RBFOX3: variants seen among roughly 807,000 people sequenced by gnomAD.
The protein encoded by RBFOX3 is RNA binding fox-1 homolog 3.
A neutral mutation model predicts 48.7 loss-of-function variants in RBFOX3; 17 were observed. The ratio of observed to expected loss-of-function variants is 0.35; its 90% CI spans 0.24 to 0.52. The LOEUF (loss-of-function observed/expected upper bound fraction) is 0.52. Among genes scored for constraint, RBFOX3 ranks in the 20% least tolerant of loss-of-function variants. The pLI, the probability that RBFOX3 is intolerant of heterozygous loss-of-function variation, is 0.94. For synonymous variants in RBFOX3, 212 were observed against 209.5 expected (o/e 1.01, Z -0.10); for missense variants, 382 against 497.5 (o/e 0.77, Z 2.21).
intron 1 of RBFOX3, among the ~76,000 whole-genome samples, chr17:79,558,030 G>A (rs1202496367): frequency 6.6e-6 from 1 of 152,188 alleles, no homozygotes; most frequent in African/African-American, 2.4e-5. Context: ...GAAAAAAGCA[G>A]CCTGAAACTG....
intron 2 of RBFOX3, among the ~76,000 whole-genome samples, chr17:79,420,156 C>CACACACACACACACACAA: frequency 6.6e-6 from 1 of 151,120 alleles, no homozygotes; most frequent in African/African-American, 2.4e-5. Flanking sequence ...CACACACACA[C>CACACACACACACACACAA]ACACACACAC....
At chr17:79,110,190 G>A (rs2030497820) in intron 5 of RBFOX3, among the ~76,000 whole-genome samples, 1 of 151,406 alleles carries the variant, frequency 6.6e-6, no homozygotes, top group South Asian at 2.1e-4. Flanking sequence ...AAGAGAAAAG[G>A]ACAGGACTGC....
intron 1 of RBFOX3, among the ~76,000 whole-genome samples, chr17:79,515,773 G>A (rs1220963753): frequency 2.0e-5 from 3 of 152,038 alleles, no homozygotes; most frequent in Non-Finnish European, 4.4e-5. Context: ...CGAGGCTCCC[G>A]GCTGAGGTTG....
At chr17:79,347,074 A>G (rs568686779) in intron 2 of RBFOX3, among the ~76,000 whole-genome samples, 1 of 152,352 alleles carries the variant, frequency 6.6e-6, no homozygotes, top group Non-Finnish European at 1.5e-5. Flanking sequence ...GCATAGGAGA[A>G]TGGAAGTTTT....
intron 4 of RBFOX3, among the ~76,000 whole-genome samples, chr17:79,210,250 T>C (rs2058195137): frequency 6.6e-6 from 1 of 152,174 alleles, no homozygotes; most frequent in Non-Finnish European, 1.5e-5. Context: ...TGAACTTTTT[T>C]TATTTCTTCA....
chr17:79,605,315 CTG>C (rs2093801896), intron 1 of RBFOX3, among the ~76,000 whole-genome samples: 1 of 152,194 alleles, frequency 6.6e-6, no homozygotes, highest in African/African-American at 2.4e-5. Context: ...GGACTTGAAA[CTG>C]TTCAGGGGCT....
chr17:79,123,862 G>A (rs1283301669), intron 4 of RBFOX3, among the ~76,000 whole-genome samples: 1 of 152,208 alleles, frequency 6.6e-6, no homozygotes, highest in Admixed American at 6.5e-5. Context: ...GGCCTGCTCT[G>A]TGTCCACTGC....
rs562883060 is a variant in RBFOX3, at chr17:79,198,914, C to G, written c.-34+36852G>C. The stretch of plus-strand genomic sequence containing the variant: ...AAAGTGCTGGGATTACAGGTGTGAG[C>G]CACTGCACCTGGCCGAGCTTTTTGA... On this transcript the variant is annotated intron_variant, in intron 4 of 14. Transcript: ENST00000693108. The surrounding 1 kb of genome is among the most constrained non-coding windows in gnomAD (Gnocchi z 8.2). Among the ~76,000 whole-genome samples the G allele has an allele frequency of 1.1e-4, 16 of 152,202 alleles. No homozygotes were observed. Among genetic ancestry groups the G allele is most frequent in the Middle Eastern group, 6.8e-3 (2 of 294 alleles).
chr17:79,236,431 GGT>G (rs1453321486), intron 3 of RBFOX3, among the ~76,000 whole-genome samples: 1 of 152,116 alleles, frequency 6.6e-6, no homozygotes, highest in Non-Finnish European at 1.5e-5. Context: ...TGGGAGTACA[GGT>G]GTGTGCCACC....
chr17:79,632,741 TA>T, the RBFOX3 span, among the ~76,000 whole-genome samples: 8,092 of 125,444 alleles, frequency 0.065, 493 homozygotes, highest in African/African-American at 0.17. Flanking sequence ...ACGTATCTAC[TA>T]AAAAAAAAAA....
the RBFOX3 span, among the ~76,000 whole-genome samples, chr17:79,648,529 C>T: frequency 0.026 from 3,983 of 152,342 alleles, 70 homozygotes; most frequent in East Asian, 0.08. Flanking sequence ...GCATGTCCAG[C>T]AAGCCCTGCA....
At chr17:79,289,475 C>T (rs1234311593) in intron 3 of RBFOX3, among the ~76,000 whole-genome samples, 2 of 152,216 alleles carry the variant, frequency 1.3e-5, no homozygotes, top group Non-Finnish European at 2.9e-5. Context: ...TGGCCTTTGC[C>T]CCTGACTTCA....
intron 4 of RBFOX3, among the ~76,000 whole-genome samples, chr17:79,130,690 C>T (rs2038615203): frequency 1.3e-5 from 2 of 152,242 alleles, no homozygotes; most frequent in Admixed American, 1.3e-4. Flanking sequence ...CTCTCCAGGC[C>T]CCGGTGGGGA....
rs200253489 is a variant in RBFOX3 at position 79,181,255 on chromosome 17, CTA to C, written c.-34+54509_-34+54510del. ...GGACCCTTACTCTAAATCCTACACT[CTA>C]TCTGCAGAAACCCAGAGCTACGCTT... On this transcript the variant is annotated intron_variant, in intron 4 of 14. Coordinates refer to ENST00000693108, the MANE Select transcript of RBFOX3 (RefSeq NM_001350451.2). Among the ~76,000 whole-genome samples the C allele has an allele frequency of 5.3e-3, 808 of 152,370 alleles. 15 individuals are homozygous for C. The East Asian group carries it at 0.075, about 14-fold the overall frequency.
chr17:79,118,989 AAAAAT>A (rs2034940427), intron 4 of RBFOX3, among the ~76,000 whole-genome samples: 1 of 148,408 alleles, frequency 6.7e-6, no homozygotes, highest in African/African-American at 2.5e-5. Flanking sequence ...AAAAAAAAAA[AAAAAT>A]AAAGAAAATA....
At chr17:79,502,320 A>G (rs975907682) in intron 1 of RBFOX3, among the ~76,000 whole-genome samples, 5,855 of 152,224 alleles carry the variant, frequency 0.038, 144 homozygotes, top group Middle Eastern at 0.078. Context: ...ATTCATAGAG[A>G]AGGAAAATAG....
chr17:79,180,627 G>C (rs1410781682), intron 4 of RBFOX3, among the ~76,000 whole-genome samples: 2 of 151,958 alleles, frequency 1.3e-5, no homozygotes, highest in Admixed American at 1.3e-4. Context: ...TCATTCCAAA[G>C]GTGGTTTGGG....
At chr17:79,380,424 T>C (rs2059760313) in intron 2 of RBFOX3, among the ~76,000 whole-genome samples, 1 of 152,232 alleles carries the variant, frequency 6.6e-6, no homozygotes, top group Admixed American at 6.5e-5. Context: ...GCATTCACAA[T>C]GAAGGGCCCT....
At chr17:79,573,320 T>C (rs937394298) in intron 1 of RBFOX3, among the ~76,000 whole-genome samples, 7 of 152,356 alleles carry the variant, frequency 4.6e-5, no homozygotes, top group South Asian at 2.1e-4. Context: ...GACTGGGCTC[T>C]GGAAGGAGCT....
Sources: gnomAD v4.1 joint callset for allele counts (sites outside exome capture counted in the v4.1 genomes callset) on GRCh38, gnomAD v4.1.1 for gene constraint, Gnocchi (gnomAD v3.1) non-coding constraint, MANE v1.5 for transcripts, NCBI Gene and HGNC (gene_info 2026-07-23, HGNC 2026-07-21) for gene names.